OXCT1: variants seen among roughly 807,000 people sequenced by gnomAD.
OXCT1 encodes the protein 3-oxoacid CoA-transferase 1.
A neutral mutation model predicts 69.6 loss-of-function variants in OXCT1; 27 were observed. The ratio of observed to expected loss-of-function variants is 0.39; its 90% CI spans 0.29 to 0.54. OXCT1 has a LOEUF of 0.54. OXCT1 is among the 20% of genes least tolerant of loss of function. The pLI, the probability that OXCT1 is intolerant of heterozygous loss-of-function variation, is 0.72. For missense variants in OXCT1, 437 were observed against 650.2 expected, an observed-to-expected ratio of 0.67 and a Z score of 3.57; for synonymous variants, 202 against 217.8, an observed-to-expected ratio of 0.93 and a Z score of 0.64.
intron 1 of OXCT1, among the ~76,000 whole-genome samples, chr5:41,866,022 ACC>A (rs61504704): frequency 0.017 from 2,008 of 116,366 alleles, 136 homozygotes; most frequent in South Asian, 0.11. Context: ...TGTACAGTAG[ACC>A]CCCCCCCCCA....
At position 41,870,380 on chromosome 5, in the gene OXCT1, G is replaced by A. The variant is rs373954851; in HGVS notation, c.-22C>T. The A allele has an allele frequency of 6.2e-7, 1 of 1,601,094 alleles. No individual in the cohort carries two copies. The highest frequency in any genetic ancestry group is 8.5e-7 in the Non-Finnish European group (1 of 1,170,476). ...CCATCTTCGGGCGGTGAGGCAGGAG[G>A]AGGCTGCGGGTTGGAGCGCGCGTTT... On this transcript the variant is annotated 5_prime_UTR_variant, in exon 1 of 17. Transcript: ENST00000196371. This position sits in a 1 kb window ranked among gnomAD's most constrained non-coding sequence, Gnocchi z 4.2.
chr5:41,867,357 T>C (rs1750039151), intron 1 of OXCT1, among the ~76,000 whole-genome samples: 1 of 152,226 alleles, frequency 6.6e-6, no homozygotes, highest in Non-Finnish European at 1.5e-5. Context: ...CCTGCTATAA[T>C]GAAACTTACA....
chr5:41,829,986 G>A (rs1748010115), intron 7 of OXCT1, among the ~76,000 whole-genome samples: 1 of 152,152 alleles, frequency 6.6e-6, no homozygotes, highest in Non-Finnish European at 1.5e-5. Flanking sequence ...AGTTCATTCA[G>A]TATGCTTATG....
chr5:41,739,957 G>A (rs1743086014), intron 15 of OXCT1, among the ~76,000 whole-genome samples: 1 of 152,174 alleles, frequency 6.6e-6, no homozygotes, highest in Non-Finnish European at 1.5e-5. Context: ...TGATATTTTG[G>A]TGAGGATAAA....
At chr5:41,840,203 T>C (rs1748558000) in intron 7 of OXCT1, among the ~76,000 whole-genome samples, 3 of 152,214 alleles carry the variant, frequency 2.0e-5, no homozygotes. Context: ...CAAAAGACTT[T>C]TATAAGCTGG....
At chr5:41,765,223 G>A (rs987093079) in intron 13 of OXCT1, among the ~76,000 whole-genome samples, 1 of 152,128 alleles carries the variant, frequency 6.6e-6, no homozygotes, top group African/African-American at 2.4e-5. Context: ...GGGTGGCCAT[G>A]TGCCTGAGTT....
chr5:41,763,730 G>A (rs1744460400), intron 13 of OXCT1, among the ~76,000 whole-genome samples: 1 of 151,988 alleles, frequency 6.6e-6, no homozygotes, highest in Non-Finnish European at 1.5e-5. Context: ...AGAATGAAAA[G>A]GCAGCAGCCA....
At chr5:41,804,334 C>A (rs1470710279) in intron 9 of OXCT1, among the ~76,000 whole-genome samples, 1 of 151,962 alleles carries the variant, frequency 6.6e-6, no homozygotes, top group Non-Finnish European at 1.5e-5. Context: ...TTATAGCATT[C>A]TCTCAGTTCT....
rs1746189651 is a variant in OXCT1, at chr5:41,796,501, T to G, written c.1100-1752A>C. On this transcript the variant is annotated intron_variant, in intron 11 of 16. Transcript: ENST00000196371. ...AATATCCCTAGCTGTGCAACACAGTTATATCCTCAGATTCTCAAGTCTTTC... is the reference window on the plus strand; with the variant it reads ...AATATCCCTAGCTGTGCAACACAGTGATATCCTCAGATTCTCAAGTCTTTC... Among the ~76,000 whole-genome samples, 6 of 152,332 alleles carry G rather than the reference T, an allele frequency of 3.9e-5. No individual in the cohort carries two copies. In the South Asian group the frequency reaches 1.2e-3, roughly 32 times the overall value.
In OXCT1 at chr5:41,731,347, A is replaced by G. The variant is rs1742610920; in HGVS notation, c.*382T>C. ...CAACTCTCCTAACCACAAAAATCACATATGTTATCTTTCTTTCAGGACTAA... is the reference window on the plus strand; with the variant it reads ...CAACTCTCCTAACCACAAAAATCACGTATGTTATCTTTCTTTCAGGACTAA... On this transcript the variant is annotated 3_prime_UTR_variant, in exon 17 of 17. Transcript: ENST00000196371. 1 of 1,027,320 alleles carries G rather than the reference A, an allele frequency of 9.7e-7. No homozygotes were observed. The highest frequency in any genetic ancestry group is 1.2e-6 in the Non-Finnish European group (1 of 853,686). The allele number at this position is 1,027,320 out of a possible 1,614,324, so 63.6% of individuals were successfully genotyped here. A position where few individuals can be genotyped will look rare whatever the true frequency, so the allele number is the denominator to read the frequency against.
intron 14 of OXCT1, among the ~76,000 whole-genome samples, chr5:41,756,295 A>C (rs1353962116): frequency 6.6e-6 from 1 of 152,084 alleles, no homozygotes; most frequent in Non-Finnish European, 1.5e-5. Flanking sequence ...ACTTAGGAAC[A>C]CGTTTCCCGT....
intron 7 of OXCT1, among the ~76,000 whole-genome samples, chr5:41,816,035 T>C (rs1051243689): frequency 6.6e-6 from 1 of 152,180 alleles, no homozygotes. Flanking sequence ...CCCTAGCATT[T>C]CCAGAACACA....
chr5:41,789,278 GA>G lies in OXCT1; in HGVS notation c.1248+4724del, dbSNP rs375170841. ...ATGAGTGGATATGGCTATGCTCCAA[GA>G]AAAATTTACAAAAATAGGCAGTGGG... On this transcript the variant is annotated intron_variant, in intron 13 of 16. Coordinates refer to ENST00000196371, the MANE Select transcript of OXCT1 (RefSeq NM_000436.4). Among the ~76,000 whole-genome samples the G allele has an allele frequency of 3.3e-3, 500 of 152,268 alleles. 1 individual carries two copies. The highest frequency in any genetic ancestry group is 0.011 in the African/African-American group (474 of 41,574).
At chr5:41,833,074 T>A (rs564907814) in intron 7 of OXCT1, among the ~76,000 whole-genome samples, 4 of 152,032 alleles carry the variant, frequency 2.6e-5, no homozygotes, top group African/African-American at 9.7e-5. Context: ...GAGAAAGAGA[T>A]AGGAGTAGAA....
At chr5:41,733,854 G>A (rs1742759588) in intron 16 of OXCT1, among the ~76,000 whole-genome samples, 1 of 152,144 alleles carries the variant, frequency 6.6e-6, no homozygotes, top group African/African-American at 2.4e-5. Flanking sequence ...AGCCAAAGGA[G>A]CTTATTCTGC....
At chr5:41,793,706 T>A in intron 13 of OXCT1, among the ~76,000 whole-genome samples, 1 of 152,232 alleles carries the variant, frequency 6.6e-6, no homozygotes, top group East Asian at 1.9e-4. Context: ...TATTTGTATT[T>A]CTTATTTTCA....
At chr5:41,813,744 C>T (rs949086352) in intron 7 of OXCT1, among the ~76,000 whole-genome samples, 1 of 148,238 alleles carries the variant, frequency 6.7e-6, no homozygotes, top group Non-Finnish European at 1.5e-5. Context: ...TTTAAATGCC[C>T]CAAGAATGGT....
At chr5:41,765,497 GTTTA>G (rs764809620) in intron 13 of OXCT1, among the ~76,000 whole-genome samples, 8 of 152,152 alleles carry the variant, frequency 5.3e-5, no homozygotes, top group Non-Finnish European at 8.8e-5. Context: ...AAACTGAAGG[GTTTA>G]TTTGTTACAG....
At chr5:41,749,436 G>A in intron 15 of OXCT1, 91 bp downstream of exon 15, 1 of 744,686 alleles carries the variant, frequency 1.3e-6, no homozygotes, top group Non-Finnish European at 2.4e-6. Flanking sequence ...TTAATCCTAT[G>A]ACTACTGGTG....
Sources: gnomAD v4.1 joint callset for allele counts (sites outside exome capture counted in the v4.1 genomes callset) on GRCh38, gnomAD v4.1.1 for gene constraint, Gnocchi (gnomAD v3.1) non-coding constraint, MANE v1.5 for transcripts, NCBI Gene and HGNC (gene_info 2026-07-23, HGNC 2026-07-21) for gene names.